The following MYO1D variants were observed in gnomAD, a reference collection of about 807,000 sequenced individuals.
The protein encoded by MYO1D is unconventional myosin-Id.
A neutral mutation model predicts 122.0 loss-of-function variants in MYO1D; 83 were observed. The observed-to-expected ratio is 0.68, with a 90% CI of 0.57 to 0.82. The LOEUF is 0.82. Among genes scored for constraint, MYO1D ranks in the 40% least tolerant of loss-of-function variants. The pLI is 0.00. For missense variants in MYO1D, 1,157 were observed against 1,269.5 expected (o/e 0.91, Z 1.35); for synonymous variants, 464 against 446.9 (o/e 1.04, Z -0.48).
At position 32,793,007 on chromosome 17, in the gene MYO1D, T is replaced by C. The variant is rs1598103730; in HGVS notation, c.96-12223A>G. Among the ~76,000 whole-genome samples the C allele has an allele frequency of 3.9e-5, 6 of 152,264 alleles. 1 individual carries two copies. Among genetic ancestry groups the C allele is most frequent in the Admixed American group, 3.9e-4 (6 of 15,308 alleles). On this transcript the variant is annotated intron_variant, in intron 1 of 21. Transcript: ENST00000318217. ...TATAAACATCTGAGTAACTAGTAAG[T>C]GTCCATGTGCCAGGTACTATGTCAA...
intron 20 of MYO1D, among the ~76,000 whole-genome samples, chr17:32,638,155 A>G (rs888074163): frequency 6.6e-6 from 1 of 152,194 alleles, no homozygotes; most frequent in Non-Finnish European, 1.5e-5. Flanking sequence ...ACAAACAAAC[A>G]AACTCATATT....
At chr17:32,852,083 T>A (rs1386691338) in intron 1 of MYO1D, among the ~76,000 whole-genome samples, 1 of 152,198 alleles carries the variant, frequency 6.6e-6, no homozygotes, top group African/African-American at 2.4e-5. Context: ...TGTCTGCCAG[T>A]GGAAGTAGAA....
chr17:32,527,020 C>T (rs1032889007), intron 21 of MYO1D, among the ~76,000 whole-genome samples: 1 of 152,208 alleles, frequency 6.6e-6, no homozygotes, highest in South Asian at 2.1e-4. Flanking sequence ...GAACTAACAC[C>T]AAGAGCAGCA....
intron 14 of MYO1D, among the ~76,000 whole-genome samples, chr17:32,723,312 A>G (rs2089533733): frequency 1.3e-5 from 2 of 152,090 alleles, no homozygotes; most frequent in South Asian, 4.2e-4. Flanking sequence ...CTTATTAGGG[A>G]CCCTGTCCTT....
At chr17:32,627,929 T>G (rs2087949485) in intron 20 of MYO1D, 1 of 152,206 alleles carries the variant, frequency 6.6e-6, no homozygotes, top group Admixed American at 6.5e-5. Context: ...AATGTCCACA[T>G]GAACTCTAGT....
chr17:32,548,469 A>G lies in MYO1D; in HGVS notation c.2865-53554T>C, dbSNP rs532745637. Reference sequence around the variant, plus strand: ...GTTTATCCTCTAGGATTATCTAGGTATAGAAGGCAGAGGAGGGAAAATGAG... The same window carrying G: ...GTTTATCCTCTAGGATTATCTAGGTGTAGAAGGCAGAGGAGGGAAAATGAG... On this transcript the variant is annotated intron_variant, in intron 21 of 21. Transcript: ENST00000318217. Among the ~76,000 whole-genome samples the G allele has an allele frequency of 6.6e-5, 10 of 151,836 alleles. 1 individual carries two copies. The East Asian group carries it at 1.7e-3, about 27-fold the overall frequency.
chr17:32,659,449 T>G, intron 16 of MYO1D, 111 bp from the exon 17 acceptor site: 1 of 1,094,588 alleles, frequency 9.1e-7, no homozygotes, highest in Non-Finnish European at 1.3e-6. Context: ...AACTTGCAAG[T>G]GTGCACAAAA....
At chr17:32,622,785 T>C (rs1411830474) in intron 20 of MYO1D, among the ~76,000 whole-genome samples, 1 of 152,198 alleles carries the variant, frequency 6.6e-6, no homozygotes, top group Non-Finnish European at 1.5e-5. Context: ...CCTGACTATG[T>C]GATAAGAACG....
At chr17:32,837,024 T>G (rs1361153074) in intron 1 of MYO1D, among the ~76,000 whole-genome samples, 2 of 152,158 alleles carry the variant, frequency 1.3e-5, no homozygotes, top group Non-Finnish European at 2.9e-5. Context: ...AGAGTTCCAG[T>G]TGCTTCATAT....
chr17:32,808,774 A>G (rs1001875283), intron 1 of MYO1D, among the ~76,000 whole-genome samples: 1 of 152,178 alleles, frequency 6.6e-6, no homozygotes, highest in Non-Finnish European at 1.5e-5. Flanking sequence ...TCTGCAACCC[A>G]GCAGAGGTCA....
chr17:32,658,975 A>G, intron 17 of MYO1D, 140 bp downstream of exon 17: 2 of 845,986 alleles, frequency 2.4e-6, no homozygotes, highest in South Asian at 1.8e-5. Context: ...AGCCAAATCT[A>G]CAAAACTGAA....
intron 16 of MYO1D, among the ~76,000 whole-genome samples, chr17:32,670,697 C>T (rs778926300): frequency 1.3e-5 from 2 of 152,174 alleles, no homozygotes; most frequent in Admixed American, 6.5e-5. Context: ...TGTCCACTTT[C>T]GACTGGTGCC....
At chr17:32,849,213 G>A (rs963411422) in intron 1 of MYO1D, among the ~76,000 whole-genome samples, 1 of 150,640 alleles carries the variant, frequency 6.6e-6, no homozygotes, top group Non-Finnish European at 1.5e-5. Context: ...TTACACTGTT[G>A]GTGGGACTAT....
In MYO1D at chr17:32,659,231, C is replaced by T. The variant is rs766516579; in HGVS notation, c.2229G>A (p.Val743=). The T allele has an allele frequency of 2.7e-5, 43 of 1,614,090 alleles. No homozygotes were observed. Among genetic ancestry groups the T allele is most frequent in the Non-Finnish European group, 3.4e-5 (40 of 1,180,046 alleles). The change falls in exon 17 of 22, where the codon GTG becomes GTA. Residue 743 remains valine, a synonymous_variant. Coordinates refer to ENST00000318217, the MANE Select transcript of MYO1D (RefSeq NM_015194.3). ...RYKVKSYIHE[V]ARRFHGVKTM... is the part of the protein sequence containing the mutation. Reference sequence around the variant, plus strand: ...TCTTGACGCCATGGAAGCGTCTGGCCACCTCGTGGATGTACGACTTCACTT... The same window carrying T: ...TCTTGACGCCATGGAAGCGTCTGGCTACCTCGTGGATGTACGACTTCACTT...
intron 11 of MYO1D, among the ~76,000 whole-genome samples, chr17:32,752,001 C>A (rs1038861776): frequency 6.6e-6 from 1 of 152,072 alleles, no homozygotes; most frequent in South Asian, 2.1e-4. Flanking sequence ...AAACCAGAGG[C>A]ATCACATTAC....
At chr17:32,678,252 T>A (rs996196061) in intron 16 of MYO1D, among the ~76,000 whole-genome samples, 1 of 85,794 alleles carries the variant, frequency 1.2e-5, no homozygotes, top group African/African-American at 3.2e-5. Flanking sequence ...AAAAATATAT[T>A]TCTTTTTTTT....
rs770084875 is a variant in MYO1D at position 32,654,554 on chromosome 17, C to T, written c.2413G>A (p.Ala805Thr). ...SDLPQVRAKV[A>T]AVEMLKGQRA... The stretch of plus-strand genomic sequence containing the variant: ...TGACCCTTCAACATTTCCACGGCTG[C>T]AACCTTTGCCCTGACCTGGGGCAGG... Residue 805 changes from alanine (A) to threonine (T), a missense_variant, in exon 18 of 22, where the codon GCA (alanine) becomes ACA (threonine). By Grantham distance (58) the Ala-to-Thr change is moderately conservative. Coordinates refer to ENST00000318217, the MANE Select transcript of MYO1D (RefSeq NM_015194.3). 6.2e-7 allele frequency: 1 copy of T among 1,614,168 alleles called. No individual in the cohort carries two copies. Among genetic ancestry groups the T allele is most frequent in the Non-Finnish European group, 8.5e-7 (1 of 1,180,016 alleles).
chr17:32,773,530 A>ACCCCCCCCCCCCCCCCCCCCCCCCCCTC (rs1567635400), intron 4 of MYO1D, among the ~76,000 whole-genome samples: 3 of 94,368 alleles, frequency 3.2e-5, no homozygotes, highest in Non-Finnish European at 6.5e-5. Context: ...CCCACTCCCT[A>ACCCCCCCCCCCCCCCCCCCCCCCCCCTC]CCCCCACCCC....
chr17:32,780,393 T>TA (rs1414126458), intron 2 of MYO1D, among the ~76,000 whole-genome samples, 183 bp downstream of exon 2: 4 of 152,202 alleles, frequency 2.6e-5, no homozygotes, highest in African/African-American at 9.7e-5. Context: ...GAACCAAGAT[T>TA]AGAGGATGAT....
Sources: gnomAD v4.1 joint callset for allele counts (sites outside exome capture counted in the v4.1 genomes callset) on GRCh38, gnomAD v4.1.1 for gene constraint, MANE v1.5 for transcripts, NCBI Gene and HGNC (gene_info 2026-07-23, HGNC 2026-07-21) for gene names.